The following GALNT9 variants were observed in gnomAD, a reference collection of about 807,000 sequenced individuals.
The protein encoded by GALNT9 is polypeptide N-acetylgalactosaminyltransferase 9, also known as GalNAc transferase 9.
A neutral mutation model predicts 63.1 loss-of-function variants in GALNT9; 47 were observed. That is an observed-to-expected ratio of 0.75 (90% CI 0.59 to 0.95). The LOEUF (loss-of-function observed/expected upper bound fraction) is 0.95. Ranked by LOEUF, GALNT9 falls within the 40% of genes least tolerant of loss-of-function variation. GALNT9 has a pLI of 0.00. For missense variants in GALNT9, 829 were observed against 874.8 expected, an observed-to-expected ratio of 0.95 and a Z score of 0.66; for synonymous variants, 396 against 365.7, an observed-to-expected ratio of 1.08 and a Z score of -0.94.
At chr12:132,322,660 T>C (rs28626204) in intron 1 of GALNT9, among the ~76,000 whole-genome samples, 95,410 of 151,958 alleles carry the variant, frequency 0.63, 30,059 homozygotes, top group East Asian at 0.79. Flanking sequence ...TCCCCAGGCA[T>C]GGGAGGGGGG....
intron 1 of GALNT9, among the ~76,000 whole-genome samples, chr12:132,300,108 A>G (rs1265492012): frequency 6.8e-6 from 1 of 146,896 alleles, no homozygotes; most frequent in Non-Finnish European, 1.5e-5. Context: ...TCCCATGATA[A>G]CTAACCCACT....
chr12:132,267,800 C>T (rs55797145), intron 2 of GALNT9, among the ~76,000 whole-genome samples: 39 of 140,016 alleles, frequency 2.8e-4, no homozygotes, highest in Admixed American at 2.0e-3. Context: ...CGCACTCACA[C>T]GCACTCACAC....
At chr12:132,258,693 G>A (rs1879241238) in intron 4 of GALNT9, among the ~76,000 whole-genome samples, 2 of 152,224 alleles carry the variant, frequency 1.3e-5, no homozygotes, top group Non-Finnish European at 2.9e-5. Flanking sequence ...GGGGCGAGGA[G>A]GGCAGAGAGG....
At chr12:132,274,989 G>C (rs1467448764) in intron 2 of GALNT9, 1 of 152,338 alleles carries the variant, frequency 6.6e-6, no homozygotes, top group African/African-American at 2.4e-5. Context: ...CCCTGCTGGG[G>C]AACCGTCCAG....
intron 6 of GALNT9, among the ~76,000 whole-genome samples, chr12:132,226,393 C>T (rs1033538580): frequency 2.0e-5 from 3 of 151,040 alleles, no homozygotes; most frequent in Admixed American, 6.6e-5. Context: ...ACATCCCACA[C>T]ACATACACCT....
At position 132,197,834 on chromosome 12, in the gene GALNT9, C is replaced by A. The variant is rs946169630; in HGVS notation, c.1623G>T (p.Glu541Asp). The change falls in exon 10 of 11, where the codon GAG becomes GAT. Residue 541 changes from glutamate to aspartate, a missense_variant. Transcript: ENST00000328957. ...GCCGCTGTGTTGGCCGCGCCACATC[C>A]TCACACTTCTTCAGGGTGGGCATGC... ...TGRMPTLKKC[E>D]DVARPTQRLW... 2.5e-6 allele frequency: 4 copies of A among 1,604,356 alleles called. No homozygotes were observed. The highest frequency in any genetic ancestry group is 4.5e-5 in the East Asian group (2 of 44,556).
chr12:132,324,680 T>C (rs1868957809), intron 1 of GALNT9, among the ~76,000 whole-genome samples: 1 of 152,096 alleles, frequency 6.6e-6, no homozygotes, highest in Non-Finnish European at 1.5e-5. Flanking sequence ...ACCGCCGCCC[T>C]CTGCAGCCGG....
intron 7 of GALNT9, among the ~76,000 whole-genome samples, chr12:132,203,262 A>G (rs561128540): frequency 6.6e-6 from 1 of 152,138 alleles, no homozygotes; most frequent in Non-Finnish European, 1.5e-5. Flanking sequence ...GAGAGGAAAA[A>G]CGCCCACCAC....
chr12:132,278,553 C>A (rs1880202812), intron 2 of GALNT9: 1 of 152,228 alleles, frequency 6.6e-6, no homozygotes, highest in African/African-American at 2.4e-5. Context: ...GTGGAGAGAG[C>A]CAAGAGGAAG....
chr12:132,314,662 G>C (rs1566022774), intron 1 of GALNT9, among the ~76,000 whole-genome samples: 1 of 152,218 alleles, frequency 6.6e-6, no homozygotes, highest in African/African-American at 2.4e-5. Context: ...GCAGGCTGCT[G>C]CCCCCCTGCC....
chr12:132,313,205 C>A (rs1425533426), intron 1 of GALNT9, among the ~76,000 whole-genome samples: 2 of 131,874 alleles, frequency 1.5e-5, no homozygotes, highest in African/African-American at 2.8e-5. Flanking sequence ...ATCTGTACAT[C>A]CATCCATCCA....
chr12:132,295,338 G>T (rs1260610762), intron 1 of GALNT9, among the ~76,000 whole-genome samples: 3 of 152,278 alleles, frequency 2.0e-5, no homozygotes, highest in Non-Finnish European at 4.4e-5. Flanking sequence ...CGGGCGCCGT[G>T]CAGGCCGAGA....
Position 132,269,151 on chromosome 12 carries a change from T to C in GALNT9, c.420-6526A>G, listed in dbSNP as rs533502223. On this transcript the variant is annotated intron_variant, in intron 2 of 10. Coordinates refer to ENST00000328957, the MANE Select transcript of GALNT9 (RefSeq NM_001122636.2). ...CCGCAAAGGCACAGAGGGTGGGCTG[T>C]GCAGCCAGGGAGGACCCAGGGCGGC... 1.2e-3 allele frequency among the ~76,000 whole-genome samples: 179 copies of C among 152,292 alleles called. 1 individual carries two copies. Among genetic ancestry groups the C allele is most frequent in the African/African-American group, 4.1e-3 (172 of 41,568 alleles).
At chr12:132,218,020 C>CAT (rs1279775906) in intron 6 of GALNT9, among the ~76,000 whole-genome samples, 3 of 151,594 alleles carry the variant, frequency 2.0e-5, no homozygotes, top group African/African-American at 7.3e-5. Context: ...TAGACACCAT[C>CAT]TATCTATCCA....
intron 5 of GALNT9, among the ~76,000 whole-genome samples, chr12:132,255,693 C>T (rs1879080757): frequency 6.6e-6 from 1 of 152,242 alleles, no homozygotes; most frequent in African/African-American, 2.4e-5. Context: ...ACTTCCGGTC[C>T]TCCCGCCTTT....
Position 132,227,894 on chromosome 12 carries a change from G to A in GALNT9, c.1077+20016C>T, listed in dbSNP as rs891552173. ...TGTGCAAATGGACAGAGACCTCCCC[G>A]TCCCCACACCTTCTTGCTCTGAGCC... is the stretch of plus-strand genomic sequence containing the variant. On this transcript the variant is annotated intron_variant, in intron 6 of 10. Transcript: ENST00000328957. 2.4e-3 allele frequency among the ~76,000 whole-genome samples: 370 copies of A among 152,190 alleles called. 3 individuals are homozygous for A. Among genetic ancestry groups the A allele is most frequent in the African/African-American group, 8.4e-3 (347 of 41,542 alleles).
rs1410451927 is a variant in GALNT9 at position 132,252,605 on chromosome 12, G to A, written c.960-4578C>T. Among the ~76,000 whole-genome samples, 8 of 152,124 alleles carry A rather than the reference G, an allele frequency of 5.3e-5. No homozygotes were observed. Among genetic ancestry groups the A allele is most frequent in the Non-Finnish European group, 8.8e-5 (6 of 68,022 alleles). On this transcript the variant is annotated intron_variant, in intron 5 of 10. Transcript: ENST00000328957. The surrounding 1 kb of genome is among the most constrained non-coding windows in gnomAD (Gnocchi z 5.2). ...TCAAGACACGGAGACCTGGCTGGGC[G>A]CACTGGCTCATGCCTGTAATCCCAG...
intron 1 of GALNT9, among the ~76,000 whole-genome samples, chr12:132,293,721 C>A (rs879960884): frequency 6.6e-6 from 1 of 151,848 alleles, no homozygotes; most frequent in Admixed American, 6.5e-5. Flanking sequence ...AGCTGGGGGA[C>A]CCTGTATACA....
chr12:132,210,338 C>T (rs111660979), intron 6 of GALNT9, among the ~76,000 whole-genome samples: 141 of 152,350 alleles, frequency 9.3e-4, no homozygotes, highest in Non-Finnish European at 1.6e-3. Context: ...CCCGTGAAGT[C>T]GGACCTGTTC....
Sources: gnomAD v4.1 joint callset for allele counts (sites outside exome capture counted in the v4.1 genomes callset) on GRCh38, gnomAD v4.1.1 for gene constraint, Gnocchi (gnomAD v3.1) non-coding constraint, MANE v1.5 for transcripts, NCBI Gene and HGNC (gene_info 2026-07-23, HGNC 2026-07-21) for gene names.